Variants in TNS3 observed in about 807,000 individuals in gnomAD.
TNS3 encodes tensin-3.
TNS3 carries 45 observed loss-of-function variants against 140.9 expected under a neutral mutation model. The observed-to-expected ratio is 0.32, with a 90% CI of 0.25 to 0.41. The LOEUF (loss-of-function observed/expected upper bound fraction) is 0.41. Ranked by LOEUF, TNS3 falls within the 10% of genes least tolerant of loss-of-function variation. TNS3 has a pLI of 1.00. For missense variants in TNS3, 1,716 were observed against 1,906.7 expected (o/e 0.90, Z 1.86); for synonymous variants, 815 against 788.4 (o/e 1.03, Z -0.56).
chr7:47,465,235 A>C (rs1402652995), intron 4 of TNS3, among the ~76,000 whole-genome samples: 3 of 152,204 alleles, frequency 2.0e-5, no homozygotes, highest in Admixed American at 6.5e-5. Flanking sequence ...CAAATAAGAC[A>C]CATTGTAGCA....
chr7:47,518,139 A>G (rs1296156877), intron 2 of TNS3, among the ~76,000 whole-genome samples: 1 of 152,176 alleles, frequency 6.6e-6, no homozygotes, highest in East Asian at 1.9e-4. Context: ...CCTGCCTCCC[A>G]CAGCACCATT....
At chr7:47,278,408 TG>T in intron 30 of TNS3, 188 bp from the exon 31 acceptor site, 3 of 623,502 alleles carry the variant, frequency 4.8e-6, no homozygotes, top group Non-Finnish European at 8.2e-6. Flanking sequence ...GACCTACAGA[TG>T]GGATGTCTGA....
At chr7:47,358,571 G>C (rs528560128) in intron 17 of TNS3, among the ~76,000 whole-genome samples, 1 of 152,342 alleles carries the variant, frequency 6.6e-6, no homozygotes, top group South Asian at 2.1e-4. Flanking sequence ...CTGATGAACT[G>C]TGGGGAGCGA....
chr7:47,338,606 G>A lies in TNS3; in HGVS notation c.2650+6149C>T, dbSNP rs114504399. ...TTCAACTTTTATTTTAAATTCAGGGGATACTGAATTTGCTTAGGACAATGG... is the reference window on the plus strand; with the variant it reads ...TTCAACTTTTATTTTAAATTCAGGGAATACTGAATTTGCTTAGGACAATGG... On this transcript the variant is annotated intron_variant, in intron 20 of 30. Coordinates refer to ENST00000311160, the MANE Select transcript of TNS3 (RefSeq NM_022748.12). 9.3e-3 allele frequency among the ~76,000 whole-genome samples: 1,410 copies of A among 152,094 alleles called. 22 individuals are homozygous for A. The highest frequency in any genetic ancestry group is 0.032 in the African/African-American group (1,325 of 41,476).
intron 1 of TNS3, among the ~76,000 whole-genome samples, chr7:47,573,074 C>T (rs1170629327): frequency 3.3e-5 from 5 of 152,218 alleles, no homozygotes; most frequent in Admixed American, 1.3e-4. Flanking sequence ...TCTCAAACCA[C>T]GTGGTCCCAA....
At chr7:47,414,110 C>T in intron 11 of TNS3, 113 bp from the exon 12 acceptor site, 2 of 1,131,126 alleles carry the variant, frequency 1.8e-6, no homozygotes, top group East Asian at 2.4e-5. Context: ...CACCTGCGGC[C>T]TTTGAGGTCT....
chr7:47,541,437 A>G (rs1486627478), intron 1 of TNS3, among the ~76,000 whole-genome samples: 1 of 152,020 alleles, frequency 6.6e-6, no homozygotes, highest in African/African-American at 2.4e-5. Flanking sequence ...ACCAACAGTC[A>G]CCCCCCAATG....
At chr7:47,516,130 T>C (rs1798770621) in intron 2 of TNS3, among the ~76,000 whole-genome samples, 1 of 152,274 alleles carries the variant, frequency 6.6e-6, no homozygotes, top group Non-Finnish European at 1.5e-5. Flanking sequence ...TGCAAATGTA[T>C]ATGACATATG....
chr7:47,447,440 T>A (rs777794140), intron 4 of TNS3, among the ~76,000 whole-genome samples: 1 of 152,116 alleles, frequency 6.6e-6, no homozygotes, highest in Non-Finnish European at 1.5e-5. Context: ...AGGCTCCACA[T>A]CAGGCAGTCT....
chr7:47,335,247 A>G (rs1441521173), intron 20 of TNS3, among the ~76,000 whole-genome samples: 1 of 152,148 alleles, frequency 6.6e-6, no homozygotes, highest in African/African-American at 2.4e-5. Context: ...GAGGGCTGCC[A>G]CTGACGCTCC....
In TNS3 at chr7:47,453,567, G is replaced by T. The variant is rs1455117211; in HGVS notation, c.-75-11512C>A. Among the ~76,000 whole-genome samples, 4 of 152,096 alleles carry T rather than the reference G, an allele frequency of 2.6e-5. No individual in the cohort carries two copies. In the East Asian group the frequency reaches 7.7e-4, roughly 29 times the overall value. On this transcript the variant is annotated intron_variant, in intron 4 of 30. Coordinates refer to ENST00000311160, the MANE Select transcript of TNS3 (RefSeq NM_022748.12). ...CTTCATTCCAAATAGAATTTGAGAT[G>T]ACTCATCGAATGAATTCAACATAAC...
chr7:47,319,769 C>T (rs938679134), intron 20 of TNS3, among the ~76,000 whole-genome samples: 1 of 152,176 alleles, frequency 6.6e-6, no homozygotes, highest in Non-Finnish European at 1.5e-5. Flanking sequence ...CATCTGCATC[C>T]CTTATGCCCA....
In TNS3 at chr7:47,510,484, C is replaced by T. The variant is rs369426243; in HGVS notation, c.-152-3540G>A. Among the ~76,000 whole-genome samples the T allele has an allele frequency of 3.3e-5, 5 of 152,174 alleles. No individual in the cohort carries two copies. In the South Asian group the frequency reaches 8.3e-4, roughly 25 times the overall value. Reference sequence around the variant, plus strand: ...AGCAGACAAAATGCAGTTATTCAGACTCGAGTGCTTGTCATTTTCTCAAAA... The same window carrying T: ...AGCAGACAAAATGCAGTTATTCAGATTCGAGTGCTTGTCATTTTCTCAAAA... On this transcript the variant is annotated intron_variant, in intron 2 of 30. Transcript: ENST00000311160.
rs1784906122 is a variant in TNS3 at position 47,277,192 on chromosome 7, C to T, written c.*884G>A. On this transcript the variant is annotated 3_prime_UTR_variant, in exon 31 of 31. Transcript: ENST00000311160. ...GTGCATCCTACATAGGGACAAGCCT[C>T]ACAAAATCACAGCTTGGCAGGCTGC... 6.6e-6 allele frequency: 1 copy of T among 152,290 alleles called. No homozygotes were observed. Among genetic ancestry groups the T allele is most frequent in the Admixed American group, 6.5e-5 (1 of 15,284 alleles). The allele number at this position is 152,290 out of a possible 1,614,324, so 9.4% of individuals were successfully genotyped here.
At chr7:47,315,390 G>A (rs959651783) in intron 20 of TNS3, among the ~76,000 whole-genome samples, 3 of 152,306 alleles carry the variant, frequency 2.0e-5, no homozygotes, top group African/African-American at 4.8e-5. Flanking sequence ...TGGGAGGCGC[G>A]TGCCCGTCGT....
intron 10 of TNS3, among the ~76,000 whole-genome samples, chr7:47,423,346 T>C (rs1241349711): frequency 3.3e-5 from 5 of 152,216 alleles, no homozygotes; most frequent in Admixed American, 6.5e-5. Context: ...TGCACCTGGA[T>C]GGGGAGCCAG....
chr7:47,320,889 A>C (rs1256871694), intron 20 of TNS3, among the ~76,000 whole-genome samples: 1 of 152,220 alleles, frequency 6.6e-6, no homozygotes, highest in Non-Finnish European at 1.5e-5. Context: ...GTTCTCAGGG[A>C]ATCTGCCAAG....
At chr7:47,534,504 C>G (rs1799531675) in intron 1 of TNS3, among the ~76,000 whole-genome samples, 1 of 152,134 alleles carries the variant, frequency 6.6e-6, no homozygotes, top group African/African-American at 2.4e-5. Flanking sequence ...TTTAAAACAG[C>G]TGACCCAGGC....
intron 17 of TNS3, among the ~76,000 whole-genome samples, chr7:47,361,186 T>C (rs1790296069): frequency 1.7e-5 from 1 of 60,444 alleles, no homozygotes; most frequent in Non-Finnish European, 4.5e-5. Context: ...CCTTCTCTTC[T>C]GGTAAGACAG....
Sources: gnomAD v4.1 joint callset for allele counts (sites outside exome capture counted in the v4.1 genomes callset) on GRCh38, gnomAD v4.1.1 for gene constraint, MANE v1.5 for transcripts, NCBI Gene and HGNC (gene_info 2026-07-23, HGNC 2026-07-21) for gene names.